The following PSAP variants were observed in gnomAD, a reference collection of about 807,000 sequenced individuals.
PSAP encodes the protein precursor of saposins.
In PSAP, 25 loss-of-function variants were observed where a neutral mutation model predicts 66.0. The observed-to-expected ratio is 0.38, with a 90% confidence interval of 0.28 to 0.53. PSAP has a LOEUF of 0.53. Ranked by LOEUF, PSAP falls within the 20% of genes least tolerant of loss-of-function variation. The probability of loss-of-function intolerance (pLI) is 0.83; values close to 1 mark genes in which losing one functional copy is unlikely to be tolerated. For missense variants in PSAP, 649 were observed against 668.8 expected (o/e 0.97, Z 0.33); for synonymous variants, 273 against 258.9 (o/e 1.05, Z -0.52).
At chr10:71,825,355 GCCCC>G (rs1842382149) in intron 7 of PSAP, among the ~76,000 whole-genome samples, 1 of 152,202 alleles carries the variant, frequency 6.6e-6, no homozygotes, top group African/African-American at 2.4e-5. Context: ...ATGAAGGAAT[GCCCC>G]CTGCCACCTG....
chr10:71,838,470 C>G (rs1390939111), intron 1 of PSAP, among the ~76,000 whole-genome samples: 1 of 152,234 alleles, frequency 6.6e-6, no homozygotes, highest in Non-Finnish European at 1.5e-5. Flanking sequence ...TCCCGTACAC[C>G]TTCCACCAGG....
chr10:71,835,586 G>T (rs1842605968), intron 1 of PSAP, among the ~76,000 whole-genome samples: 1 of 151,996 alleles, frequency 6.6e-6, no homozygotes, highest in Admixed American at 6.6e-5. Flanking sequence ...TTTATAAACT[G>T]CCTTGAGAGT....
chr10:71,850,075 TC>T (rs1215597215), intron 1 of PSAP, among the ~76,000 whole-genome samples: 2 of 152,022 alleles, frequency 1.3e-5, no homozygotes, highest in East Asian at 3.8e-4. Flanking sequence ...AATCAAAATA[TC>T]TAACCCCAAA....
chr10:71,822,047 C>T lies in PSAP; in HGVS notation c.778-40G>A, dbSNP rs199876522. ...GAACAACCAGTCAGCAGCAAGCCTA[C>T]GCCCACTGCTCCTCAGTCCCAATCC... On this transcript the variant is annotated intron_variant, in intron 7 of 13. Coordinates refer to ENST00000394936, the MANE Select transcript of PSAP (RefSeq NM_002778.4). 5.9e-5 allele frequency: 96 copies of T among 1,613,610 alleles called. No individual in the cohort carries two copies. The African/African-American group carries it at 7.3e-4, about 12-fold the overall frequency.
At chr10:71,825,726 C>T in intron 7 of PSAP, 111 bp downstream of exon 7, 1 of 1,004,740 alleles carries the variant, frequency 1.0e-6, no homozygotes, top group Non-Finnish European at 1.5e-6. Flanking sequence ...CCCAATTCAG[C>T]ACTCTAAGGT....
intron 1 of PSAP, among the ~76,000 whole-genome samples, chr10:71,845,331 C>T (rs569836151): frequency 6.6e-6 from 1 of 152,266 alleles, no homozygotes; most frequent in Admixed American, 6.5e-5. Flanking sequence ...GAAGGTGGCT[C>T]TCTACGGGGG....
intron 13 of PSAP, 145 bp from the exon 14 acceptor site, chr10:71,817,621 C>G (rs776011021): frequency 5.9e-5 from 47 of 802,884 alleles, no homozygotes; most frequent in Non-Finnish European, 9.0e-5. Flanking sequence ...AGACCCAGGA[C>G]AGGATCTCAC....
intron 1 of PSAP, among the ~76,000 whole-genome samples, chr10:71,836,165 G>T (rs1056666058): frequency 6.6e-6 from 1 of 152,098 alleles, no homozygotes; most frequent in African/African-American, 2.4e-5. Flanking sequence ...TCACAAACAC[G>T]TCCAGTTCGC....
chr10:71,843,950 C>G (rs916141955), intron 1 of PSAP, among the ~76,000 whole-genome samples: 1 of 152,110 alleles, frequency 6.6e-6, no homozygotes, highest in Non-Finnish European at 1.5e-5. Flanking sequence ...AGTATACTAC[C>G]TTTGTAACTT....
chr10:71,822,993 G>C (rs1842335491), intron 7 of PSAP, among the ~76,000 whole-genome samples: 1 of 150,954 alleles, frequency 6.6e-6, no homozygotes, highest in African/African-American at 2.4e-5. Context: ...CGCAGCTGAA[G>C]ATACAGCAAG....
Position 71,817,368 on chromosome 10 carries a change from G to T in PSAP, c.*73C>A. On this transcript the variant is annotated 3_prime_UTR_variant, in exon 14 of 14. Coordinates refer to ENST00000394936, the MANE Select transcript of PSAP (RefSeq NM_002778.4). The stretch of plus-strand genomic sequence containing the variant: ...ATAACAAAGTCAAACAGATCTGTGC[G>T]TTCATTCCCCCAGACACACAAGTAG... 6.7e-7 allele frequency: 1 copy of T among 1,487,074 alleles called. No homozygotes were observed. The highest frequency in any genetic ancestry group is 1.4e-5 in the African/African-American group (1 of 72,364). The allele number at this position is 1,487,074 out of a possible 1,614,324, so 92.1% of individuals were successfully genotyped here.
At chr10:71,839,060 C>T (rs924107068) in intron 1 of PSAP, among the ~76,000 whole-genome samples, 1 of 152,186 alleles carries the variant, frequency 6.6e-6, no homozygotes, top group Non-Finnish European at 1.5e-5. Flanking sequence ...ACACCCTACC[C>T]CCAAATACCA....
Position 71,816,464 on chromosome 10 carries a change from C to G in PSAP, c.*977G>C. ...GCCCAAGTGGGCCACAGACAGCTTC[C>G]AACCCCCACACCCCAGCATCCAATC... is the stretch of plus-strand genomic sequence containing the variant. On this transcript the variant is annotated 3_prime_UTR_variant, in exon 14 of 14. Coordinates refer to ENST00000394936, the MANE Select transcript of PSAP (RefSeq NM_002778.4). 1 of 471,270 alleles carries G rather than the reference C, an allele frequency of 2.1e-6. No individual in the cohort carries two copies. Among genetic ancestry groups the G allele is most frequent in the Non-Finnish European group, 4.4e-6 (1 of 227,058 alleles). The allele number at this position is 471,270 out of a possible 1,614,324, so 29.2% of individuals were successfully genotyped here. A position where few individuals can be genotyped will look rare whatever the true frequency, so the allele number is the denominator to read the frequency against.
In PSAP at chr10:71,836,173, C is replaced by T. The variant is rs185239338; in HGVS notation, c.41-1668G>A. Among the ~76,000 whole-genome samples the T allele has an allele frequency of 1.1e-3, 161 of 152,338 alleles. 1 individual carries two copies. Among genetic ancestry groups the T allele is most frequent in the Non-Finnish European group, 1.5e-3 (105 of 68,034 alleles). ...AGCAAAATCACAAACACGTCCAGTT[C>T]GCAACCTCAACCAAGCTGGCCACAT... On this transcript the variant is annotated intron_variant, in intron 1 of 13. Coordinates refer to ENST00000394936, the MANE Select transcript of PSAP (RefSeq NM_002778.4).
At chr10:71,830,255 G>A (rs1423197532) in intron 4 of PSAP, among the ~76,000 whole-genome samples, 1 of 152,064 alleles carries the variant, frequency 6.6e-6, no homozygotes, top group Non-Finnish European at 1.5e-5. Context: ...AGAAACCAGG[G>A]AGACATTTAT....
chr10:71,833,400 G>A (rs1670215584), intron 2 of PSAP, among the ~76,000 whole-genome samples: 1 of 152,202 alleles, frequency 6.6e-6, no homozygotes, highest in African/African-American at 2.4e-5. Flanking sequence ...TGAGGCTGCA[G>A]TGAGCCATGA....
At chr10:71,832,579 A>G (rs1199447830) in intron 2 of PSAP, among the ~76,000 whole-genome samples, 3 of 152,106 alleles carry the variant, frequency 2.0e-5, no homozygotes. Flanking sequence ...AGAGAAACCA[A>G]CTTGAACCTA....
At position 71,828,899 on chromosome 10, in the gene PSAP, G is replaced by A. The variant is rs745355137; in HGVS notation, c.554C>T (p.Pro185Leu). Residue 185 changes from proline (P) to leucine (L), a missense_variant, in exon 5 of 14, where the codon CCC becomes CTC. By Grantham distance (98) the Pro-to-Leu change is moderately conservative (BLOSUM62 -3). Coordinates refer to ENST00000394936, the MANE Select transcript of PSAP (RefSeq NM_002778.4). ...IPLLLYPQDG[P>L]RSKPQPKDNG... ...TACCTTTGGCTGGGGCTTGCTGCGGGGGCCGTCCTGAGGGTAGAGGAGGAG... is the reference window on the plus strand; with the variant it reads ...TACCTTTGGCTGGGGCTTGCTGCGGAGGCCGTCCTGAGGGTAGAGGAGGAG... 2.5e-6 allele frequency: 4 copies of A among 1,614,064 alleles called. No homozygotes were observed. The highest frequency in any genetic ancestry group is 2.2e-5 in the South Asian group (2 of 91,070).
chr10:71,831,695 C>A, intron 3 of PSAP, 151 bp downstream of exon 3: 1 of 800,682 alleles, frequency 1.2e-6, no homozygotes, highest in Non-Finnish European at 2.2e-6. Flanking sequence ...GCTCATATAC[C>A]CTAAAATCTT....
Sources: allele counts gnomAD v4.1 joint callset (sites outside exome capture counted in the v4.1 genomes callset), GRCh38; gene constraint gnomAD v4.1.1; transcripts MANE v1.5; gene names NCBI Gene and HGNC (gene_info 2026-07-23, HGNC 2026-07-21).